The following ABR variants were observed in gnomAD, a reference collection of about 807,000 sequenced individuals.
The protein encoded by ABR is ABR activator of RhoGEF and GTPase.
A neutral mutation model predicts 107.2 loss-of-function variants in ABR; 35 were observed. The observed-to-expected ratio is 0.33, with a 90% CI of 0.25 to 0.43. ABR has a LOEUF of 0.43. Among genes scored for constraint, ABR ranks in the 20% least tolerant of loss-of-function variants. The pLI, the probability that ABR is intolerant of heterozygous loss-of-function variation, is 1.00. For missense variants in ABR, 815 were observed against 1,115.2 expected, an observed-to-expected ratio of 0.73 and a Z score of 3.83; for synonymous variants, 498 against 462.0, an observed-to-expected ratio of 1.08 and a Z score of -1.00.
rs546990641 is a variant in ABR, at chr17:1,146,506, CG to C, written c.62-21140del. Among the ~76,000 whole-genome samples the C allele has an allele frequency of 2.0e-3, 308 of 152,242 alleles. 2 individuals are homozygous for C. Among genetic ancestry groups the C allele is most frequent in the African/African-American group, 7.1e-3 (295 of 41,540 alleles). On this transcript the variant is annotated intron_variant, in intron 1 of 22. Coordinates refer to ENST00000302538, the MANE Select transcript of ABR (RefSeq NM_021962.5). ...CGTCTGTAAACAGCTCAGCACAGTG[CG>C]GGGCACATGAAGATGACCATGATTC...
At position 1,200,786 on chromosome 17, in the gene ABR, G is replaced by A. The variant is rs1167865423; in HGVS notation, c.838+28007C>T. On this transcript the variant is annotated intron_variant, in intron 1 of 22. Coordinates refer to the ABR transcript ENST00000574139. The surrounding 1 kb of genome is among the most constrained non-coding windows in gnomAD (Gnocchi z 4.1). ...CTTCGGGGAGACAGGAACATGACCT[G>A]GGTTATCAGCACCGTCCAGGGACAC... 6.6e-6 allele frequency among the ~76,000 whole-genome samples: 1 copy of A among 152,118 alleles called. No individual in the cohort carries two copies. The highest frequency in any genetic ancestry group is 2.4e-5 in the African/African-American group (1 of 41,424).
At chr17:1,187,755 A>C (rs1006291290), upstream of ABR, among the ~76,000 whole-genome samples, 1 of 151,828 alleles carries the variant, frequency 6.6e-6, no homozygotes, top group African/African-American at 2.4e-5. Context: ...GTAGCCGGGC[A>C]TGGTGGTGGG....
At chr17:1,183,391 A>G (rs1480144273), upstream of ABR, among the ~76,000 whole-genome samples, 1 of 151,780 alleles carries the variant, frequency 6.6e-6, no homozygotes, top group African/African-American at 2.4e-5. Context: ...TCATCACTGG[A>G]CTTAAAGGGG....
At chr17:1,016,279 T>TAG (rs1035959627) in intron 16 of ABR, among the ~76,000 whole-genome samples, 19 of 151,850 alleles carry the variant, frequency 1.3e-4, no homozygotes, top group African/African-American at 4.6e-4. Flanking sequence ...AAGTGGCCAC[T>TAG]AGAGTCTTTT....
rs1567691557 is a variant in ABR, at chr17:1,067,178, CGG to C, written c.1079_1080del (p.Pro360ArgfsTer4). 6.2e-7 allele frequency: 1 copy of C among 1,613,318 alleles called. No homozygotes were observed. The highest frequency in any genetic ancestry group is 1.1e-5 in the South Asian group (1 of 91,022). The stretch of plus-strand genomic sequence containing the variant: ...ACCTGGGGGCTGGCCTCAGACTCCT[CGG>C]GGGATGGAAACACCAGGTCGGCCAG... The part of the protein sequence containing the change: ...IPLADLVFPS[P>X]EESEASPQVH... On this transcript the variant is annotated frameshift_variant, in exon 10 of 23. Coordinates refer to ENST00000302538, the MANE Select transcript of ABR (RefSeq NM_021962.5). LOFTEE classifies it high-confidence loss of function.
intron 16 of ABR, chr17:1,031,675 C>T (rs2072780856): frequency 8.0e-7 from 1 of 1,256,998 alleles, no homozygotes; most frequent in South Asian, 2.9e-5. Flanking sequence ...CTCCCCGACT[C>T]CTCCAGCGCC....
intron 16 of ABR, among the ~76,000 whole-genome samples, chr17:1,048,269 G>A (rs1211595419): frequency 6.6e-6 from 1 of 152,252 alleles, no homozygotes; most frequent in Non-Finnish European, 1.5e-5. Context: ...ATCGGAAAGA[G>A]ACGTGTTTAG....
At chr17:1,129,544 A>T (rs189803385) in intron 1 of ABR, among the ~76,000 whole-genome samples, 22 of 152,226 alleles carry the variant, frequency 1.4e-4, no homozygotes, top group Non-Finnish European at 5.9e-5. Context: ...AAAAACAAAA[A>T]CAAAAACAAG....
At chr17:1,201,447 C>T (rs1376574730) in intron 1 of ABR, among the ~76,000 whole-genome samples, 1 of 152,150 alleles carries the variant, frequency 6.6e-6, no homozygotes. Flanking sequence ...CTATTATCAT[C>T]ATGCTGGCTG....
At position 1,064,536 on chromosome 17, in the gene ABR, CTGT is replaced by C. The variant is rs1292793332; in HGVS notation, c.1182+2538_1182+2540del. Among the ~76,000 whole-genome samples the C allele has an allele frequency of 1.3e-3, 157 of 121,164 alleles. 2 individuals are homozygous for C. The highest frequency in any genetic ancestry group is 4.1e-3 in the African/African-American group (134 of 32,652). 79.5% of individuals were successfully genotyped at this position (121,164 alleles called of 152,430 possible). On this transcript the variant is annotated intron_variant, in intron 10 of 22. Coordinates refer to ENST00000302538, the MANE Select transcript of ABR (RefSeq NM_021962.5). ...AGGGCTATGCATGTTCCTCTAGACA[CTGT>C]TGTTATGTGAACTGAGGGCTATGCA...
intron 11 of ABR, 51 bp downstream of exon 11, chr17:1,058,694 G>T: frequency 6.2e-7 from 1 of 1,601,702 alleles, no homozygotes; most frequent in South Asian, 1.1e-5. Flanking sequence ...AGAGTGGGCT[G>T]CTCTGGACTA....
intron 1 of ABR, among the ~76,000 whole-genome samples, chr17:1,146,226 T>C (rs866700636): frequency 2.0e-5 from 3 of 151,528 alleles, no homozygotes; most frequent in Middle Eastern, 3.4e-3. Context: ...AGCCAGCTTG[T>C]CTCTGCTTGT....
intron 16 of ABR, among the ~76,000 whole-genome samples, chr17:1,040,008 G>C (rs1452866330): frequency 6.6e-6 from 1 of 152,212 alleles, no homozygotes; most frequent in Non-Finnish European, 1.5e-5. Context: ...TTGAATCAAG[G>C]CCTCCCTCAG....
intron 1 of ABR, among the ~76,000 whole-genome samples, chr17:1,203,350 C>A (rs1342214507): frequency 7.7e-6 from 1 of 129,330 alleles, no homozygotes; most frequent in East Asian, 2.5e-4. Flanking sequence ...CGGGGAGGAG[C>A]CTGCGGGGCG....
chr17:1,023,332 T>C (rs2071878054), intron 16 of ABR, among the ~76,000 whole-genome samples: 1 of 151,714 alleles, frequency 6.6e-6, no homozygotes, highest in Non-Finnish European at 1.5e-5. Flanking sequence ...GCCAGGCACA[T>C]CTCCCCCAGC....
chr17:1,096,293 T>C (rs1405153507), intron 3 of ABR, among the ~76,000 whole-genome samples: 3 of 151,934 alleles, frequency 2.0e-5, no homozygotes, highest in East Asian at 1.9e-4. Context: ...CCTTTGCATA[T>C]CAGGAAGTGT....
At chr17:1,160,179 A>G (rs2041231671) in intron 1 of ABR, among the ~76,000 whole-genome samples, 1 of 151,918 alleles carries the variant, frequency 6.6e-6, no homozygotes, top group Admixed American at 6.6e-5. Flanking sequence ...GCTTGAACCC[A>G]GGAGGTGGAG....
At chr17:1,096,898 AG>A (rs2037488009) in intron 3 of ABR, among the ~76,000 whole-genome samples, 1 of 101,030 alleles carries the variant, frequency 9.9e-6, no homozygotes, top group African/African-American at 3.9e-5. Context: ...CAGCTGGGGA[AG>A]GGGGGAAACC....
chr17:1,063,998 G>C (rs1597628334), intron 10 of ABR, among the ~76,000 whole-genome samples: 2 of 145,384 alleles, frequency 1.4e-5, no homozygotes, highest in Admixed American at 7.0e-5. Flanking sequence ...TATGTGAACT[G>C]AGGGTTATGC....
Sources: allele counts gnomAD v4.1 joint callset (sites outside exome capture counted in the v4.1 genomes callset), GRCh38; gene constraint gnomAD v4.1.1; non-coding constraint Gnocchi (gnomAD v3.1); transcripts MANE v1.5; gene names NCBI Gene and HGNC (gene_info 2026-07-23, HGNC 2026-07-21).